Variants in ZP3 observed in about 807,000 individuals in gnomAD.
ZP3 encodes the protein zona pellucida sperm-binding protein 3.
ZP3 carries 21 observed loss-of-function variants against 35.6 expected under a neutral mutation model. The observed-to-expected ratio is 0.59, with a 90% CI of 0.42 to 0.85. The LOEUF is 0.85. Ranked by LOEUF, ZP3 falls within the 40% of genes least tolerant of loss-of-function variation. The probability of loss-of-function intolerance (pLI) is 0.00; values close to 1 mark genes in which losing one functional copy is unlikely to be tolerated. For synonymous variants in ZP3, 207 were observed against 214.5 expected (o/e 0.96, Z 0.31); for missense variants, 437 against 536.5 (o/e 0.81, Z 1.83).
chr7:76,432,820 A>G (rs777958122), intron 2 of ZP3, 107 bp from the exon 3 acceptor site: 1 of 906,654 alleles, frequency 1.1e-6, no homozygotes, highest in Non-Finnish European at 1.7e-6. Flanking sequence ...TGGCTGGGCC[A>G]TAGCTGAGGA....
At chr7:76,429,781 G>T in intron 2 of ZP3, 148 bp downstream of exon 2, 1 of 703,760 alleles carries the variant, frequency 1.4e-6, no homozygotes. Context: ...TGTACTGCGT[G>T]GGATTGTGGG....
rs6951132 is a variant in ZP3, at chr7:76,402,490, T to A, written c.-67+4693T>A. ...AGCCACCGCTCCTGGCCTAATTTTT[T>A]AATTTTTTGTAGAGACAGGGGTCTC... On this transcript the variant is annotated intron_variant, in intron 1 of 8. Transcript: ENST00000336517. 9.6e-3 allele frequency among the ~76,000 whole-genome samples: 1,462 copies of A among 151,984 alleles called. 24 individuals carry two copies. The highest frequency in any genetic ancestry group is 0.034 in the African/African-American group (1,408 of 41,448).
chr7:76,436,478 A>C (rs1806017865), intron 5 of ZP3, among the ~76,000 whole-genome samples: 1 of 152,278 alleles, frequency 6.6e-6, no homozygotes, highest in African/African-American at 2.4e-5. Context: ...GCAGAGGCTC[A>C]TACGTCAGGG....
intron 1 of ZP3, chr7:76,400,259 C>A: frequency 7.0e-7 from 1 of 1,436,734 alleles, no homozygotes; most frequent in South Asian, 1.6e-5. Context: ...GTCTGTCTGT[C>A]CCTCCAGGTC....
In ZP3 at chr7:76,409,996, C is replaced by T. The variant is rs1805197872; in HGVS notation, c.-67+12199C>T. On this transcript the variant is annotated intron_variant, in intron 1 of 8. Transcript: ENST00000336517. ...CCACATAGACAGGACCTCACAACCT[C>T]ACTTGGGGGCTGCTGATTTTGCCTT... Among the ~76,000 whole-genome samples, 4 of 152,258 alleles carry T rather than the reference C, an allele frequency of 2.6e-5. No homozygotes were observed. In the South Asian group the frequency reaches 8.3e-4, roughly 32 times the overall value.
chr7:76,415,440 G>T (rs111666614), intron 1 of ZP3, among the ~76,000 whole-genome samples: 11,196 of 150,362 alleles, frequency 0.074, 585 homozygotes, highest in Middle Eastern at 0.18. Context: ...GTTACCAATG[G>T]CTGGGGGTGG....
intron 5 of ZP3, among the ~76,000 whole-genome samples, chr7:76,439,000 G>A: frequency 8.3e-6 from 1 of 120,156 alleles, no homozygotes; most frequent in East Asian, 2.4e-4. Context: ...GAGGCATTAT[G>A]GCAAGTGCCT....
chr7:76,421,740 A>G (rs952549551), upstream of ZP3, among the ~76,000 whole-genome samples: 4 of 151,960 alleles, frequency 2.6e-5, no homozygotes, highest in South Asian at 8.3e-4. Flanking sequence ...GACTACAGGC[A>G]TGAGCCACCA....
rs559428353 is a variant in ZP3 at position 76,412,198 on chromosome 7, A to G, written c.-66-12854A>G. On this transcript the variant is annotated intron_variant, in intron 1 of 8. Coordinates refer to the ZP3 transcript ENST00000336517. ...GTGAGACTCTGTCTCAAAAAAAAAAAAAAAGAAAAGAAAAAGATAAAAAAG... is the reference window on the plus strand; with the variant it reads ...GTGAGACTCTGTCTCAAAAAAAAAAGAAAAGAAAAGAAAAAGATAAAAAAG... Among the ~76,000 whole-genome samples the G allele has an allele frequency of 6.6e-5, 10 of 151,858 alleles. No homozygotes were observed. The East Asian group carries it at 9.7e-4, about 15-fold the overall frequency.
chr7:76,416,962 ATATATATATAT>A (rs1563692971), intron 1 of ZP3, among the ~76,000 whole-genome samples: 27 of 146,286 alleles, frequency 1.8e-4, no homozygotes, highest in Admixed American at 1.5e-3. Flanking sequence ...ATATATATAT[ATATATATATAT>A]AATTTGGCAT....
At chr7:76,421,201 T>C (rs988683529), upstream of ZP3, among the ~76,000 whole-genome samples, 1 of 152,150 alleles carries the variant, frequency 6.6e-6, no homozygotes, top group Non-Finnish European at 1.5e-5. Context: ...CCCAAAGTGC[T>C]GGGATGACAG....
intron 2 of ZP3, among the ~76,000 whole-genome samples, chr7:76,429,837 A>G (rs533452205): frequency 2.6e-5 from 4 of 152,110 alleles, no homozygotes; most frequent in Non-Finnish European, 5.9e-5. Context: ...CAGGAGCCCA[A>G]CTGCAGCTTA....
At chr7:76,408,629 C>T (rs79089408) in intron 1 of ZP3, among the ~76,000 whole-genome samples, 273 of 152,226 alleles carry the variant, frequency 1.8e-3, no homozygotes, top group African/African-American at 6.1e-3. Context: ...GAAGGACCCC[C>T]GATCCTGATC....
chr7:76,405,961 CCTT>C, intron 1 of ZP3, among the ~76,000 whole-genome samples: 1 of 145,284 alleles, frequency 6.9e-6, no homozygotes, highest in Non-Finnish European at 1.5e-5. Context: ...TTCCTTCCTT[CCTT>C]CTTCCTTTCC....
chr7:76,413,998 CTTTTT>C (rs113488466), intron 1 of ZP3, among the ~76,000 whole-genome samples: 2 of 128,814 alleles, frequency 1.6e-5, no homozygotes, highest in Non-Finnish European at 1.6e-5. Context: ...CCTTCTTCTT[CTTTTT>C]TTTTTTTTTT....
intron 5 of ZP3, among the ~76,000 whole-genome samples, chr7:76,439,400 CA>C (rs1326838123): frequency 6.6e-6 from 1 of 151,984 alleles, no homozygotes; most frequent in Non-Finnish European, 1.5e-5. Context: ...GCGGGTTTAG[CA>C]ATGCTGAGTT....
At chr7:76,424,787 A>C, upstream of ZP3, 1 of 577,904 alleles carries the variant, frequency 1.7e-6, no homozygotes, top group Non-Finnish European at 3.0e-6. Context: ...GAGAGTTTGC[A>C]GTTCTAACAA....
intron 1 of ZP3, among the ~76,000 whole-genome samples, chr7:76,426,820 G>A (rs1364047450): frequency 1.3e-5 from 2 of 148,858 alleles, no homozygotes; most frequent in African/African-American, 5.0e-5. Flanking sequence ...ACTTGGGCCC[G>A]GGAGTTTAAG....
intron 1 of ZP3, among the ~76,000 whole-genome samples, chr7:76,413,897 G>T (rs1190750993): frequency 6.6e-6 from 1 of 150,964 alleles, no homozygotes; most frequent in Non-Finnish European, 1.5e-5. Context: ...AAACTCTTGG[G>T]CTGAAGCAAT....
Sources: allele counts gnomAD v4.1 joint callset (sites outside exome capture counted in the v4.1 genomes callset), GRCh38; gene constraint gnomAD v4.1.1; transcripts MANE v1.5; gene names NCBI Gene and HGNC (gene_info 2026-07-23, HGNC 2026-07-21).